ULK4: variants seen among roughly 807,000 people sequenced by gnomAD.
ULK4 encodes unc-51 like kinase 4, also known as inactive serine/threonine-protein kinase ULK4.
In ULK4, 133 loss-of-function variants were observed where a neutral mutation model predicts 160.6. The ratio of observed to expected loss-of-function variants is 0.83; its 90% CI spans 0.72 to 0.96. The LOEUF is 0.96. Ranked by LOEUF, ULK4 falls within the 40% of genes least tolerant of loss-of-function variation. The probability of loss-of-function intolerance (pLI) is 0.00; values close to 1 mark genes in which losing one functional copy is unlikely to be tolerated. For synonymous variants in ULK4, 534 were observed against 539.8 expected (o/e 0.99, Z 0.15); for missense variants, 1,580 against 1,499.5 (o/e 1.05, Z -0.89).
At chr3:41,417,599 C>A (rs1165279542) in intron 34 of ULK4, among the ~76,000 whole-genome samples, 1 of 152,174 alleles carries the variant, frequency 6.6e-6, no homozygotes, top group Non-Finnish European at 1.5e-5. Context: ...GAGGCTGACT[C>A]TGCAAACCCT....
intron 35 of ULK4, among the ~76,000 whole-genome samples, chr3:41,355,277 C>T (rs565539737): frequency 5.9e-5 from 9 of 152,162 alleles, no homozygotes; most frequent in East Asian, 3.9e-4. Context: ...GCTTTTGGTC[C>T]GCCCACATCT....
chr3:41,703,913 A>T (rs925374585), intron 27 of ULK4, among the ~76,000 whole-genome samples: 2 of 152,080 alleles, frequency 1.3e-5, no homozygotes, highest in Non-Finnish European at 2.9e-5. Flanking sequence ...CAGAGGGTAG[A>T]GAAATATGTG....
chr3:41,619,664 G>A (rs1035065348), intron 30 of ULK4, among the ~76,000 whole-genome samples: 1 of 151,724 alleles, frequency 6.6e-6, no homozygotes, highest in African/African-American at 2.4e-5. Flanking sequence ...GAAAAAAACG[G>A]GAAAGATCTA....
At chr3:41,622,515 T>C (rs995464615) in intron 30 of ULK4, among the ~76,000 whole-genome samples, 2 of 150,566 alleles carry the variant, frequency 1.3e-5, no homozygotes, top group African/African-American at 5.0e-5. Flanking sequence ...AAACGCTGCA[T>C]GTTCTCACTC....
At chr3:41,427,370 A>T (rs1237347462) in intron 34 of ULK4, among the ~76,000 whole-genome samples, 1 of 152,212 alleles carries the variant, frequency 6.6e-6, no homozygotes, top group African/African-American at 2.4e-5. Flanking sequence ...ATTTCTTCTG[A>T]AACTATTCCA....
At chr3:41,932,491 A>G (rs867308643) in intron 4 of ULK4, among the ~76,000 whole-genome samples, 2 of 152,172 alleles carry the variant, frequency 1.3e-5, no homozygotes, top group Middle Eastern at 3.2e-3. Context: ...CTAATCCCCA[A>G]TCTCTTCACC....
chr3:41,932,058 A>G, intron 4 of ULK4, 52 bp from the exon 5 acceptor site: 3 of 1,536,252 alleles, frequency 2.0e-6, no homozygotes, highest in African/African-American at 1.4e-5. Context: ...TAATTTGTAC[A>G]TATATCAGTA....
rs1397515310 is a variant in ULK4 at position 41,338,737 on chromosome 3, G to GTA, written c.3678+59340_3678+59341dup. On this transcript the variant is annotated intron_variant, in intron 35 of 36. Coordinates refer to ENST00000301831, the MANE Select transcript of ULK4 (RefSeq NM_017886.4). ...TGTGCACATATATATGTGTGTGTGTGTATAATACATCTATATCACATATAT... is the reference window on the plus strand; with the variant it reads ...TGTGCACATATATATGTGTGTGTGTGTATATAATACATCTATATCACATATAT... Among the ~76,000 whole-genome samples the GTA allele has an allele frequency of 2.0e-5, 3 of 151,582 alleles. No homozygotes were observed. The South Asian group carries it at 6.3e-4, about 32-fold the overall frequency.
chr3:41,354,973 G>A (rs920415691), intron 35 of ULK4, among the ~76,000 whole-genome samples: 12 of 152,222 alleles, frequency 7.9e-5, no homozygotes, highest in African/African-American at 2.2e-4. Context: ...GCCTCAAAGC[G>A]CTGCGAGGTT....
intron 25 of ULK4, among the ~76,000 whole-genome samples, chr3:41,706,551 A>ACTT (rs2036894663): frequency 6.6e-6 from 1 of 151,048 alleles, no homozygotes; most frequent in African/African-American, 2.4e-5. Flanking sequence ...ACATAGGCCA[A>ACTT]GCGCAGTGGC....
intron 31 of ULK4, among the ~76,000 whole-genome samples, chr3:41,604,306 G>A (rs571934253): frequency 2.0e-5 from 3 of 152,168 alleles, no homozygotes; most frequent in African/African-American, 7.2e-5. Flanking sequence ...GGGACTTTAT[G>A]ATACATGTAA....
intron 34 of ULK4, among the ~76,000 whole-genome samples, chr3:41,409,214 C>T (rs1368681664): frequency 6.6e-6 from 1 of 152,038 alleles, no homozygotes; most frequent in Non-Finnish European, 1.5e-5. Flanking sequence ...GGAGATCACG[C>T]CACTGCACTC....
chr3:41,643,648 T>C (rs2034341570), intron 30 of ULK4, among the ~76,000 whole-genome samples: 4 of 152,320 alleles, frequency 2.6e-5, no homozygotes, highest in Middle Eastern at 6.8e-3. Context: ...TTTGTTCTTT[T>C]GGCTTAGGAT....
intron 11 of ULK4, among the ~76,000 whole-genome samples, chr3:41,910,657 T>C (rs1698749531): frequency 6.6e-6 from 1 of 152,078 alleles, no homozygotes; most frequent in South Asian, 2.1e-4. Flanking sequence ...ACAGAACCTC[T>C]TCTTTTCTGT....
chr3:41,447,206 C>G (rs750315128), intron 34 of ULK4, among the ~76,000 whole-genome samples: 1 of 151,656 alleles, frequency 6.6e-6, no homozygotes, highest in African/African-American at 2.4e-5. Flanking sequence ...TTCAACCTCT[C>G]TAACTCCCAT....
intron 29 of ULK4, among the ~76,000 whole-genome samples, chr3:41,671,019 GA>G (rs572818911): frequency 4.7e-4 from 72 of 151,842 alleles, no homozygotes; most frequent in African/African-American, 1.7e-3. Flanking sequence ...TTAAGTAAAG[GA>G]AAAAAGGTAG....
rs77428619 is a variant in ULK4 at position 41,458,726 on chromosome 3, C to T, written c.3394-3131G>A. On this transcript the variant is annotated intron_variant, in intron 33 of 36. Coordinates refer to ENST00000301831, the MANE Select transcript of ULK4 (RefSeq NM_017886.4). The stretch of plus-strand genomic sequence containing the variant: ...ACAGAAGTAAGGCATCTATAAAGAA[C>T]AAGAGACAGTTACTTTCTCAAGTAG... 2.5e-3 allele frequency among the ~76,000 whole-genome samples: 378 copies of T among 152,240 alleles called. 1 individual carries two copies. Among genetic ancestry groups the T allele is most frequent in the African/African-American group, 8.7e-3 (362 of 41,546 alleles).
chr3:41,762,867 G>C (rs1398003238), intron 21 of ULK4, among the ~76,000 whole-genome samples: 1 of 151,850 alleles, frequency 6.6e-6, no homozygotes, highest in Non-Finnish European at 1.5e-5. Context: ...GGGTTTCACT[G>C]TTAGCCAGGA....
chr3:41,376,479 T>C (rs181046224), intron 35 of ULK4, among the ~76,000 whole-genome samples: 3,761 of 150,076 alleles, frequency 0.025, 241 homozygotes, highest in East Asian at 0.14. Flanking sequence ...AAAACCCCAC[T>C]GTCTCAGCCC....
Sources: allele counts gnomAD v4.1 joint callset (sites outside exome capture counted in the v4.1 genomes callset), GRCh38; gene constraint gnomAD v4.1.1; transcripts MANE v1.5; gene names NCBI Gene and HGNC (gene_info 2026-07-23, HGNC 2026-07-21).